Variants in CACNA1A observed in about 807,000 individuals in gnomAD.
CACNA1A encodes the protein calcium voltage-gated channel subunit alpha1 A.
Under a neutral mutation model 262.4 loss-of-function variants are expected in CACNA1A, and 57 were observed. The ratio of observed to expected loss-of-function variants is 0.22; its 90% CI spans 0.18 to 0.27. The LOEUF (loss-of-function observed/expected upper bound fraction) is 0.27. CACNA1A is among the 10% of genes least tolerant of loss of function. The pLI is 1.00. For missense variants in CACNA1A, 2,526 were observed against 3,562.8 expected, an observed-to-expected ratio of 0.71 and a Z score of 7.41; for synonymous variants, 1,431 against 1,419.3, an observed-to-expected ratio of 1.01 and a Z score of -0.18.
intron 4 of CACNA1A, among the ~76,000 whole-genome samples, chr19:13,369,478 TATCCGCTTCAAGGGAACCTGACCTAGTC>T (rs1329259077): frequency 6.6e-6 from 1 of 152,180 alleles, no homozygotes; most frequent in African/African-American, 2.4e-5. Context: ...CCCACCTAAG[TATCCGCTTCAAGGGAACCTGACCTAGTC>T]ATCCACTTAC....
At chr19:13,257,261 C>T (rs1293193149) in intron 28 of CACNA1A, 89 bp downstream of exon 28, 1 of 1,068,316 alleles carries the variant, frequency 9.4e-7, no homozygotes, top group Non-Finnish European at 1.4e-6. Flanking sequence ...CCCAGGTACC[C>T]CTAGAAAGGG....
intron 1 of CACNA1A, among the ~76,000 whole-genome samples, chr19:13,477,391 G>T (rs76600451): frequency 0.021 from 3,211 of 152,320 alleles, 40 homozygotes; most frequent in Non-Finnish European, 0.033. Flanking sequence ...CCAGAGGGCA[G>T]GGACTTTTGT....
intron 1 of CACNA1A, among the ~76,000 whole-genome samples, chr19:13,490,637 AGAAG>A (rs1355299743): frequency 1.9e-4 from 28 of 150,748 alleles, no homozygotes; most frequent in South Asian, 1.1e-3. Flanking sequence ...AGAAAAGAAA[AGAAG>A]GAAGGAAGGA....
intron 28 of CACNA1A, among the ~76,000 whole-genome samples, chr19:13,255,866 T>C (rs1378917555): frequency 7.0e-6 from 1 of 143,068 alleles, no homozygotes; most frequent in African/African-American, 2.6e-5. Flanking sequence ...CTTTCCTTTC[T>C]CTCTTCTTCC....
rs61273249 is a variant in CACNA1A at position 13,406,465 on chromosome 19, TTATATATATATATATATATATATA to T, written c.540-34710_540-34687del. 4.1e-3 allele frequency among the ~76,000 whole-genome samples: 130 copies of T among 31,550 alleles called. 2 individuals are homozygous for T. Among genetic ancestry groups the T allele is most frequent in the East Asian group, 0.035 (26 of 752 alleles). 20.7% of individuals were successfully genotyped at this position (31,550 alleles called of 152,430 possible). A position where few individuals can be genotyped will look rare whatever the true frequency, so the allele number is the denominator to read the frequency against. ...GGGAGACTCTGTCTCAAAAAAAAAA[TTATATATATATATATATATATATA>T]TATATATATATATATATATATATGA... On this transcript the variant is annotated intron_variant, in intron 3 of 46. Coordinates refer to ENST00000360228, the MANE Select transcript of CACNA1A (RefSeq NM_001127222.2).
At chr19:13,227,373 AAG>A in intron 37 of CACNA1A, 56 bp downstream of exon 37, 1 of 760,040 alleles carries the variant, frequency 1.3e-6, no homozygotes, top group Non-Finnish European at 2.2e-6. Flanking sequence ...AAAAAAGAAG[AAG>A]AAGAAGAAAA....
chr19:13,334,041 T>C, intron 8 of CACNA1A: 2 of 238,738 alleles, frequency 8.4e-6, no homozygotes, highest in South Asian at 8.5e-5. Flanking sequence ...ACTCCAATAG[T>C]ACTATGACTT....
At chr19:13,398,158 G>A (rs2059840769) in intron 3 of CACNA1A, among the ~76,000 whole-genome samples, 1 of 151,968 alleles carries the variant, frequency 6.6e-6, no homozygotes, top group Non-Finnish European at 1.5e-5. Context: ...AGCTACTGGG[G>A]AGGCTGAGTC....
intron 3 of CACNA1A, among the ~76,000 whole-genome samples, chr19:13,444,610 C>T (rs1460766834): frequency 6.6e-6 from 1 of 152,066 alleles, no homozygotes; most frequent in Non-Finnish European, 1.5e-5. Context: ...ATAGGCTAGT[C>T]AGGGGGCAAG....
At chr19:13,375,270 G>A (rs572737939) in intron 3 of CACNA1A, among the ~76,000 whole-genome samples, 124 of 152,172 alleles carry the variant, frequency 8.1e-4, no homozygotes, top group African/African-American at 2.9e-3. Context: ...AAACTTGATC[G>A]ATAAATATTG....
At chr19:13,413,946 A>G (rs1410596188) in intron 3 of CACNA1A, among the ~76,000 whole-genome samples, 1 of 150,044 alleles carries the variant, frequency 6.7e-6, no homozygotes, top group African/African-American at 2.4e-5. Context: ...AAAGAAAGAA[A>G]AGGAAGGCAA....
chr19:13,476,536 G>A (rs1220319038), intron 1 of CACNA1A, among the ~76,000 whole-genome samples: 3 of 152,070 alleles, frequency 2.0e-5, no homozygotes, highest in Non-Finnish European at 4.4e-5. Context: ...AGAATTAGTA[G>A]TTTCCAGAAG....
intron 30 of CACNA1A, 46 bp downstream of exon 30, chr19:13,252,945 T>C (rs1273657623): frequency 3.0e-6 from 4 of 1,320,902 alleles, no homozygotes; most frequent in Middle Eastern, 1.8e-4. Context: ...TGTTCCCCCT[T>C]GGGCTTCTCC....
rs559748859 is a variant in CACNA1A at position 13,303,445 on chromosome 19, C to A, written c.2172+101G>T. On this transcript the variant is annotated intron_variant, in intron 17 of 46. Transcript: ENST00000360228. ...CCGGCAAAAGTTCTAACCCTGTTCC[C>A]ATGCCCCCACCCCCACCCCCACCCC... is the stretch of plus-strand genomic sequence containing the variant. The A allele has an allele frequency of 1.0e-3, 347 of 331,766 alleles. 2 individuals carry two copies. Among genetic ancestry groups the A allele is most frequent in the African/African-American group, 7.3e-3 (335 of 46,044 alleles). 20.6% of individuals were successfully genotyped at this position (331,766 alleles called of 1,614,324 possible).
rs533297364 is a variant in CACNA1A at position 13,433,460 on chromosome 19, C to CAAAAAAAAAAAAAAAAAAAAAAAAAA, written c.539+19415_539+19416insTTTTTTTTTTTTTTTTTTTTTTTTTT. On this transcript the variant is annotated intron_variant, in intron 3 of 46. Transcript: ENST00000360228. ...TCGGCAACAAAGCAAGACGCTGTCT[C>CAAAAAAAAAAAAAAAAAAAAAAAAAA]AAAAAAAAAAAAAAAAAAAAAAAGT... 4.3e-4 allele frequency among the ~76,000 whole-genome samples: 33 copies of CAAAAAAAAAAAAAAAAAAAAAAAAAA among 76,222 alleles called. 1 individual carries two copies. Among genetic ancestry groups the CAAAAAAAAAAAAAAAAAAAAAAAAAA allele is most frequent in the East Asian group, 8.9e-4 (2 of 2,252 alleles). The allele number at this position is 76,222 out of a possible 152,430, so 50.0% of individuals were successfully genotyped here.
At chr19:13,361,886 T>C (rs1015119305) in intron 5 of CACNA1A, among the ~76,000 whole-genome samples, 5 of 152,208 alleles carry the variant, frequency 3.3e-5, no homozygotes, top group African/African-American at 1.2e-4. Flanking sequence ...CACCTGTGCC[T>C]GGAATCTTCT....
chr19:13,388,835 A>G (rs2059664211), intron 3 of CACNA1A, among the ~76,000 whole-genome samples: 1 of 152,226 alleles, frequency 6.6e-6, no homozygotes, highest in African/African-American at 2.4e-5. Flanking sequence ...TTTAACTGAC[A>G]TAAGCAGGAT....
intron 36 of CACNA1A, 38 bp downstream of exon 36, chr19:13,230,044 T>C (rs776567097): frequency 4.6e-5 from 74 of 1,601,554 alleles, no homozygotes; most frequent in Non-Finnish European, 6.1e-5. Flanking sequence ...CAGGGAGAGG[T>C]GAGTATTGTG....
Position 13,208,875 on chromosome 19 carries a change from G to C in CACNA1A, c.6661C>G (p.Pro2221Ala). The C allele has an allele frequency of 6.6e-7, 1 of 1,518,328 alleles. No individual in the cohort carries two copies. Among genetic ancestry groups the C allele is most frequent in the Non-Finnish European group, 8.8e-7 (1 of 1,132,130 alleles). 94.1% of individuals were successfully genotyped at this position (1,518,328 alleles called of 1,614,324 possible). A position where few individuals can be genotyped will look rare whatever the true frequency, so the allele number is the denominator to read the frequency against. ...HHHHHHHHHP[P>A]PPDKDRYAQE... ...GCATAGCGGTCCTTGTCGGGGGGCG[G>C]GGGATGGTGGTGGTGGTGGTGGTGG... Residue 2221 changes from proline to alanine, a missense_variant, in exon 46 of 47, where the codon CCG becomes GCG. Around this residue, in one of 17 missense-constraint regions of CACNA1A, gnomAD observed 929 missense variants for 868.1 expected, o/e 1.07. Transcript: ENST00000360228.
Sources: allele counts gnomAD v4.1 joint callset (sites outside exome capture counted in the v4.1 genomes callset), GRCh38; gene constraint gnomAD v4.1.1; regional missense constraint gnomAD v4.1.1; transcripts MANE v1.5; gene names NCBI Gene and HGNC (gene_info 2026-07-23, HGNC 2026-07-21).